COL25A1: variants seen among roughly 807,000 people sequenced by gnomAD.
COL25A1 encodes collagen alpha-1(XXV) chain.
A neutral mutation model predicts 128.4 loss-of-function variants in COL25A1; 103 were observed. The observed-to-expected ratio is 0.80, with a 90% CI of 0.68 to 0.94. The LOEUF is 0.94. COL25A1 is among the 40% of genes least tolerant of loss of function. The pLI, the probability that COL25A1 is intolerant of heterozygous loss-of-function variation, is 0.00. For missense variants in COL25A1, 745 were observed against 840.0 expected, an observed-to-expected ratio of 0.89 and a Z score of 1.40; for synonymous variants, 279 against 277.2, an observed-to-expected ratio of 1.01 and a Z score of -0.06.
intron 5 of COL25A1, among the ~76,000 whole-genome samples, chr4:109,018,357 T>G (rs1352375757): frequency 1.3e-5 from 2 of 152,198 alleles, no homozygotes; most frequent in African/African-American, 4.8e-5. Flanking sequence ...CCCAAGTAGC[T>G]GGGATTACAG....
Position 108,862,631 on chromosome 4 carries a change from T to A in COL25A1, c.1153-86A>T. On this transcript the variant is annotated intron_variant, in intron 21 of 37. Coordinates refer to ENST00000399132, the MANE Select transcript of COL25A1 (RefSeq NM_198721.4). ...AATAGAAATTAGCAGTGACTCAGAA[T>A]AATGAAGAAAAATGGAAACACTTTA... 2.6e-6 allele frequency: 3 copies of A among 1,133,068 alleles called. No homozygotes were observed. The South Asian group carries it at 3.9e-5, about 15-fold the overall frequency. 70.2% of individuals were successfully genotyped at this position (1,133,068 alleles called of 1,614,324 possible). A position where few individuals can be genotyped will look rare whatever the true frequency, so the allele number is the denominator to read the frequency against.
Position 109,280,615 on chromosome 4 carries a change from G to A in COL25A1, c.367+19968C>T, listed in dbSNP as rs533389526. ...TTCTTAGGTATGATTATAGTATTGT[G>A]GTTATATCTTTAGATAATTCATGCT... On this transcript the variant is annotated intron_variant, in intron 3 of 37. Transcript: ENST00000399132. Among the ~76,000 whole-genome samples, 4 of 152,022 alleles carry A rather than the reference G, an allele frequency of 2.6e-5. No homozygotes were observed. The East Asian group carries it at 7.7e-4, about 29-fold the overall frequency.
rs1399569287 is a variant in COL25A1, at chr4:108,928,163, T to C, written c.709-7559A>G. ...CAAATTTATGGTTCACAAAGGCCTA[T>C]CACCCTACACTACACTCAGTAAAAA... is the stretch of plus-strand genomic sequence containing the variant. On this transcript the variant is annotated intron_variant, in intron 11 of 37. Transcript: ENST00000399132. Among the ~76,000 whole-genome samples, 35 of 152,228 alleles carry C rather than the reference T, an allele frequency of 2.3e-4. 1 individual carries two copies. The highest frequency in any genetic ancestry group is 2.3e-3 in the Admixed American group (35 of 15,280).
chr4:109,000,743 C>CAAAAAAA lies in COL25A1; in HGVS notation c.438+9608_438+9614dup, dbSNP rs1180104512. On this transcript the variant is annotated intron_variant, in intron 6 of 37. Coordinates refer to ENST00000399132, the MANE Select transcript of COL25A1 (RefSeq NM_198721.4). ...CCTGGGCAACAGAGTGAGACTCTGT[C>CAAAAAAA]AAAAAAAAAAAAAAAAAAAAAAAAA... is the stretch of plus-strand genomic sequence containing the variant. Among the ~76,000 whole-genome samples the CAAAAAAA allele has an allele frequency of 3.3e-4, 12 of 36,418 alleles. 1 individual carries two copies. The highest frequency in any genetic ancestry group is 6.9e-4 in the African/African-American group (4 of 5,828). 23.9% of individuals were successfully genotyped at this position (36,418 alleles called of 152,430 possible).
At chr4:108,903,699 G>T (rs1227923256) in intron 13 of COL25A1, among the ~76,000 whole-genome samples, 1 of 151,900 alleles carries the variant, frequency 6.6e-6, no homozygotes, top group Non-Finnish European at 1.5e-5. Context: ...AGTTTTATTT[G>T]CTTTTATAGG....
chr4:109,235,123 G>A (rs1779386961), intron 3 of COL25A1, among the ~76,000 whole-genome samples: 1 of 152,040 alleles, frequency 6.6e-6, no homozygotes, highest in Non-Finnish European at 1.5e-5. Context: ...AGTTTGACCT[G>A]TGACAAGCTC....
In COL25A1 at chr4:109,107,060, G is replaced by A. The variant is rs377407925; in HGVS notation, c.368-56881C>T. 3.3e-5 allele frequency among the ~76,000 whole-genome samples: 5 copies of A among 152,070 alleles called. No individual in the cohort carries two copies. The East Asian group carries it at 5.8e-4, about 18-fold the overall frequency. On this transcript the variant is annotated intron_variant, in intron 3 of 37. Coordinates refer to ENST00000399132, the MANE Select transcript of COL25A1 (RefSeq NM_198721.4). ...TTGGGATTACAGGCATGAGCCACAC[G>A]ACTAGCCCATTTAAAATTTAATAAG...
intron 3 of COL25A1, among the ~76,000 whole-genome samples, chr4:109,053,337 A>G (rs1032522849): frequency 3.3e-5 from 5 of 152,156 alleles, no homozygotes; most frequent in African/African-American, 1.2e-4. Flanking sequence ...CTCCAGACAG[A>G]CCCCGTTCAT....
chr4:108,970,196 C>G (rs895586676), intron 8 of COL25A1, among the ~76,000 whole-genome samples: 2 of 152,186 alleles, frequency 1.3e-5, no homozygotes, highest in African/African-American at 4.8e-5. Context: ...GCCACTGCAT[C>G]TGGCCTCTAA....
At chr4:108,935,978 C>T (rs1055233891) in intron 11 of COL25A1, among the ~76,000 whole-genome samples, 1 of 152,108 alleles carries the variant, frequency 6.6e-6, no homozygotes, top group Non-Finnish European at 1.5e-5. Context: ...TGGGGACAAA[C>T]AAAGGCTCCT....
intron 6 of COL25A1, among the ~76,000 whole-genome samples, chr4:108,983,476 G>T (rs9985574): frequency 6.6e-6 from 1 of 152,044 alleles, no homozygotes; most frequent in Non-Finnish European, 1.5e-5. Context: ...AATTTTACCC[G>T]GGCTACTTAA....
intron 3 of COL25A1, among the ~76,000 whole-genome samples, chr4:109,254,374 C>A (rs1345064789): frequency 6.7e-6 from 1 of 148,900 alleles, no homozygotes; most frequent in Non-Finnish European, 1.5e-5. Flanking sequence ...TCACTTACCC[C>A]AGGTCACAAG....
intron 3 of COL25A1, among the ~76,000 whole-genome samples, chr4:109,127,605 A>G (rs1211649977): frequency 6.6e-6 from 1 of 152,004 alleles, no homozygotes; most frequent in African/African-American, 2.4e-5. Flanking sequence ...TAGGATTACA[A>G]GTGTGAGCCA....
chr4:108,819,023 C>T (rs891600667), intron 36 of COL25A1, among the ~76,000 whole-genome samples: 1 of 152,076 alleles, frequency 6.6e-6, no homozygotes, highest in African/African-American at 2.4e-5. Context: ...AAAAGGTGGT[C>T]ATGTCAGTTG....
At chr4:109,267,437 A>C (rs2126261308) in intron 3 of COL25A1, among the ~76,000 whole-genome samples, 1 of 152,324 alleles carries the variant, frequency 6.6e-6, no homozygotes, top group Admixed American at 6.5e-5. Context: ...GAAATCTAAA[A>C]AAGAAAAACA....
At chr4:109,088,584 C>T (rs1764619936) in intron 3 of COL25A1, among the ~76,000 whole-genome samples, 1 of 152,052 alleles carries the variant, frequency 6.6e-6, no homozygotes, top group African/African-American at 2.4e-5. Flanking sequence ...TAACACAGTG[C>T]CTATGAAGCA....
At chr4:108,923,132 A>C (rs557473832) in intron 11 of COL25A1, among the ~76,000 whole-genome samples, 1 of 152,322 alleles carries the variant, frequency 6.6e-6, no homozygotes, top group South Asian at 2.1e-4. Context: ...TTAGATTAAT[A>C]ATACCATTAT....
chr4:108,948,019 C>T (rs912889805), intron 8 of COL25A1, among the ~76,000 whole-genome samples: 2 of 152,166 alleles, frequency 1.3e-5, no homozygotes, highest in African/African-American at 4.8e-5. Context: ...ACAACACGAC[C>T]ATCACAGTGG....
chr4:109,112,863 A>G (rs907758876), intron 3 of COL25A1, among the ~76,000 whole-genome samples: 3 of 152,110 alleles, frequency 2.0e-5, no homozygotes, highest in Admixed American at 6.6e-5. Flanking sequence ...CAAGAATGAA[A>G]AAGTCTGTTG....
Sources: allele counts gnomAD v4.1 joint callset (sites outside exome capture counted in the v4.1 genomes callset), GRCh38; gene constraint gnomAD v4.1.1; transcripts MANE v1.5; gene names NCBI Gene and HGNC (gene_info 2026-07-23, HGNC 2026-07-21).